Variants in DTX4 observed in about 807,000 individuals in gnomAD.
DTX4 encodes the protein deltex E3 ubiquitin ligase 4, also known as E3 ubiquitin-protein ligase DTX4.
A neutral mutation model predicts 57.6 loss-of-function variants in DTX4; 28 were observed. The ratio of observed to expected loss-of-function variants is 0.49; its 90% CI spans 0.36 to 0.67. The LOEUF is 0.67. Among genes scored for constraint, DTX4 ranks in the 30% least tolerant of loss-of-function variants. The pLI is 0.00. For synonymous variants in DTX4, 316 were observed against 331.0 expected (o/e 0.95, Z 0.49); for missense variants, 715 against 836.8 (o/e 0.85, Z 1.80).
intron 1 of DTX4, among the ~76,000 whole-genome samples, chr11:59,176,653 T>C (rs1862399982): frequency 6.6e-6 from 1 of 152,236 alleles, no homozygotes; most frequent in African/African-American, 2.4e-5. Flanking sequence ...CTTACATAGA[T>C]GTGTGTAACA....
rs1862468127 is a variant in DTX4, at chr11:59,181,959, C to G, written c.432C>G (p.Asn144Lys). The G allele has an allele frequency of 6.2e-7, 1 of 1,613,998 alleles. No individual in the cohort carries two copies. Among genetic ancestry groups the G allele is most frequent in the Non-Finnish European group, 8.5e-7 (1 of 1,179,874 alleles). The part of the protein sequence containing the change: ...VIDFNTMGQI[N>K]RQTQRQRRVR... ...ACTTCAACACCATGGGCCAGATCAA[C>G]CGTCAGACCCAGCGCCAACGCCGCG... The change falls in exon 2 of 9, where the codon AAC becomes AAG. Residue 144 changes from asparagine (N) to lysine (K), a missense_variant. Transcript: ENST00000227451.
chr11:59,205,213 G>A lies in DTX4; in HGVS notation c.*304G>A. 2 of 366,062 alleles carry A rather than the reference G, an allele frequency of 5.5e-6. No individual in the cohort carries two copies. Among genetic ancestry groups the A allele is most frequent in the Admixed American group, 3.7e-5 (1 of 27,186 alleles). The allele number at this position is 366,062 out of a possible 1,614,324, so 22.7% of individuals were successfully genotyped here. ...TCCCTACCCCACCTCCCAAGTAGGG[G>A]CATGGTCAGCACACCTAGGGTATGG... On this transcript the variant is annotated 3_prime_UTR_variant, in exon 9 of 9. Transcript: ENST00000227451.
chr11:59,207,324 G>C lies in DTX4; in HGVS notation c.*2415G>C, dbSNP rs1862825420. ...GACTCAAGATGGAAAGGGAGCCGCT[G>C]TGCCTGTGGCAATACCACTTGGAGA... On this transcript the variant is annotated 3_prime_UTR_variant, in exon 9 of 9. Coordinates refer to ENST00000227451, the MANE Select transcript of DTX4 (RefSeq NM_015177.2). 6.6e-6 allele frequency: 1 copy of C among 152,540 alleles called. No individual in the cohort carries two copies. Among genetic ancestry groups the C allele is most frequent in the East Asian group, 1.9e-4 (1 of 5,188 alleles). 9.4% of individuals were successfully genotyped at this position (152,540 alleles called of 1,614,324 possible). A position where few individuals can be genotyped will look rare whatever the true frequency, so the allele number is the denominator to read the frequency against.
At position 59,172,819 on chromosome 11, in the gene DTX4, C is replaced by T. The variant is rs374221571; in HGVS notation, c.211+13C>T. ...CGCCAAGACACGGGTGAGCCAGCCG[C>T]CCCTGACCCCGCCCCGCCTGCTCCC... On this transcript the variant is annotated intron_variant, in intron 1 of 8. Coordinates refer to ENST00000227451, the MANE Select transcript of DTX4 (RefSeq NM_015177.2). 5 of 1,521,802 alleles carry T rather than the reference C, an allele frequency of 3.3e-6. No homozygotes were observed. Among genetic ancestry groups the T allele is most frequent in the Admixed American group, 3.9e-5 (2 of 51,714 alleles). The allele number at this position is 1,521,802 out of a possible 1,614,324, so 94.3% of individuals were successfully genotyped here.
chr11:59,193,668 C>T (rs927141414), intron 6 of DTX4, among the ~76,000 whole-genome samples: 5 of 152,096 alleles, frequency 3.3e-5, no homozygotes, highest in African/African-American at 7.2e-5. Flanking sequence ...CTCTTTTGCA[C>T]TAATACTTTG....
At chr11:59,198,102 T>C (rs1565221172) in intron 7 of DTX4, among the ~76,000 whole-genome samples, 1 of 152,324 alleles carries the variant, frequency 6.6e-6, no homozygotes, top group African/African-American at 2.4e-5. Flanking sequence ...GGCATGCGCT[T>C]CTGTGAGGAG....
Position 59,192,220 on chromosome 11 carries a change from C to G in DTX4, c.1344C>G (p.Cys448Trp). Residue 448 changes from cysteine (C) to tryptophan (W), a missense_variant, in exon 6 of 9, where the codon TGC (cysteine) becomes TGG (tryptophan). Coordinates refer to ENST00000227451, the MANE Select transcript of DTX4 (RefSeq NM_015177.2). ...SRCGHVYHIY[C>W]LVAMYNNGNK... The stretch of plus-strand genomic sequence containing the variant: ...GCGGCCACGTCTACCACATCTACTG[C>G]TTGGTTGCCATGTACAACAATGGGA... 6.2e-7 allele frequency: 1 copy of G among 1,613,978 alleles called. No homozygotes were observed. The highest frequency in any genetic ancestry group is 8.5e-7 in the Non-Finnish European group (1 of 1,179,892).
chr11:59,195,033 G>A, intron 6 of DTX4, 175 bp from the exon 7 acceptor site: 2 of 673,732 alleles, frequency 3.0e-6, no homozygotes, highest in Admixed American at 2.6e-5. Context: ...TATTACTTTG[G>A]AGAAAGCAGA....
chr11:59,172,360 AC>A lies in DTX4; in HGVS notation c.-232del. The stretch of plus-strand genomic sequence containing the variant: ...CACAGAGCAGCGGCAGCAGCAGCGG[AC>A]CCCGGCGGCGGCGGCGGCGCGCGGT... On this transcript the variant is annotated 5_prime_UTR_variant, in exon 1 of 9. The change creates a premature stop within an existing upstream ORF in the 5' untranslated region. Coordinates refer to ENST00000227451, the MANE Select transcript of DTX4 (RefSeq NM_015177.2). 1 of 163,198 alleles carries A rather than the reference AC, an allele frequency of 6.1e-6. No individual in the cohort carries two copies. The highest frequency in any genetic ancestry group is 1.3e-5 in the Non-Finnish European group (1 of 76,148). 10.1% of individuals were successfully genotyped at this position (163,198 alleles called of 1,614,324 possible).
intron 7 of DTX4, among the ~76,000 whole-genome samples, chr11:59,195,573 A>G (rs993606150): frequency 6.6e-6 from 1 of 151,180 alleles, no homozygotes; most frequent in East Asian, 1.9e-4. Context: ...CTTTGTGCAC[A>G]CACAACAGAA....
chr11:59,194,992 G>C, intron 6 of DTX4: 1 of 593,080 alleles, frequency 1.7e-6, no homozygotes, highest in Non-Finnish European at 3.0e-6. Context: ...CCTCAGCATG[G>C]AGCATGGGAC....
intron 8 of DTX4, among the ~76,000 whole-genome samples, chr11:59,203,862 A>G (rs12576879): frequency 0.092 from 14,010 of 152,246 alleles, 939 homozygotes; most frequent in East Asian, 0.29. Flanking sequence ...CACTCAGGAA[A>G]TAGCAGCTCA....
Position 59,172,577 on chromosome 11 carries a change from CCG to C in DTX4, c.-17_-16del. The C allele has an allele frequency of 7.2e-7, 1 of 1,396,058 alleles. No individual in the cohort carries two copies. Among genetic ancestry groups the C allele is most frequent in the East Asian group, 3.0e-5 (1 of 33,792 alleles). The allele number at this position is 1,396,058 out of a possible 1,614,324, so 86.5% of individuals were successfully genotyped here. The stretch of plus-strand genomic sequence containing the variant: ...GGCCCGGGAGGCGGGCCGCGCAGCG[CCG>C]CAGCCCCGGGCTCGCCATGCTCCTG... On this transcript the variant is annotated 5_prime_UTR_variant, in exon 1 of 9. Coordinates refer to ENST00000227451, the MANE Select transcript of DTX4 (RefSeq NM_015177.2).
chr11:59,181,339 T>C (rs926760906), intron 1 of DTX4, among the ~76,000 whole-genome samples: 8 of 152,264 alleles, frequency 5.3e-5, no homozygotes, highest in Non-Finnish European at 7.3e-5. Context: ...GTGAGTCATA[T>C]TTAGTTTGTA....
Position 59,172,620 on chromosome 11 carries a change from G to A in DTX4, c.25G>A (p.Val9Ile). Residue 9 changes from valine to isoleucine, a missense_variant, in exon 1 of 9, where the codon GTC becomes ATC. By Grantham distance (29) the Val-to-Ile change is conservative. Transcript: ENST00000227451. ...CATGCTCCTGGCCTCGGCCGTGGTG[G>A]TCTGGGAATGGCTGAACGAGCACGG... MLLASAVV[V>I]WEWLNEHGRW... The A allele has an allele frequency of 6.4e-7, 1 of 1,574,588 alleles. No homozygotes were observed.
rs146707990 is a variant in DTX4 at position 59,185,447 on chromosome 11, A to T, written c.935+2985A>T. ...CCATATCAGGGAACAGGCCAACTGA[A>T]TGGGGGCAGGGGGTGTCTTATGATT... is the stretch of plus-strand genomic sequence containing the variant. On this transcript the variant is annotated intron_variant, in intron 2 of 8. Coordinates refer to ENST00000227451, the MANE Select transcript of DTX4 (RefSeq NM_015177.2). 9.4e-3 allele frequency: 1,437 copies of T among 152,336 alleles called. 69 individuals carry two copies. Among genetic ancestry groups the T allele is most frequent in the Admixed American group, 0.084 (1,276 of 15,280 alleles). The allele number at this position is 152,336 out of a possible 1,614,324, so 9.4% of individuals were successfully genotyped here. A position where few individuals can be genotyped will look rare whatever the true frequency, so the allele number is the denominator to read the frequency against.
intron 8 of DTX4, among the ~76,000 whole-genome samples, chr11:59,203,988 C>A (rs1402315515): frequency 2.0e-5 from 3 of 152,188 alleles, no homozygotes; most frequent in Non-Finnish European, 4.4e-5. Context: ...GATGCTTTTT[C>A]TTCATGCTGG....
At chr11:59,194,975 A>T in intron 6 of DTX4, 2 of 559,892 alleles carry the variant, frequency 3.6e-6, no homozygotes, top group South Asian at 4.2e-5. Context: ...GGCTTCTCTT[A>T]CATATCCCTC....
In DTX4 at chr11:59,204,754, G is replaced by A. The variant is rs1342033589; in HGVS notation, c.1705G>A (p.Asp569Asn). 1 of 1,613,646 alleles carries A rather than the reference G, an allele frequency of 6.2e-7. No homozygotes were observed. The highest frequency in any genetic ancestry group is 1.3e-5 in the African/African-American group (1 of 74,916). The stretch of plus-strand genomic sequence containing the variant: ...CACCTCCAGCACCACAGGCGAGTCA[G>A]ACACCGTCATCTGGAATGAGGTCCA... ...IGTSSTTGES[D>N]TVIWNEVHHK... The change falls in exon 9 of 9, where the codon GAC becomes AAC. Residue 569 changes from aspartate to asparagine, a missense_variant. Coordinates refer to ENST00000227451, the MANE Select transcript of DTX4 (RefSeq NM_015177.2).
Sources: gnomAD v4.1 joint callset for allele counts (sites outside exome capture counted in the v4.1 genomes callset) on GRCh38, gnomAD v4.1.1 for gene constraint, MANE v1.5 for transcripts, NCBI Gene and HGNC (gene_info 2026-07-23, HGNC 2026-07-21) for gene names.